The following C1orf50 variants were observed in gnomAD, a reference collection of about 807,000 sequenced individuals.
C1orf50 encodes uncharacterized protein C1orf50.
In C1orf50, 22 loss-of-function variants were observed where a neutral mutation model predicts 23.3. The observed-to-expected ratio is 0.94, with a 90% CI of 0.67 to 1.35. The LOEUF is 1.35. Among genes scored for constraint, C1orf50 ranks in the 40% most tolerant of loss-of-function variants. The pLI is 0.00. For missense variants in C1orf50, 271 were observed against 249.4 expected, an observed-to-expected ratio of 1.09 and a Z score of -0.58; for synonymous variants, 96 against 102.4, an observed-to-expected ratio of 0.94 and a Z score of 0.38.
chr1:42,768,561 C>CTT (rs34887733), intron 2 of C1orf50, among the ~76,000 whole-genome samples: 1 of 150,716 alleles, frequency 6.6e-6, no homozygotes, highest in African/African-American at 2.4e-5. Flanking sequence ...CCTTCGAATC[C>CTT]TTTTTTTTTT....
intron 2 of C1orf50, among the ~76,000 whole-genome samples, chr1:42,769,316 C>A (rs180968874): frequency 7.2e-5 from 11 of 151,750 alleles, no homozygotes; most frequent in Admixed American, 1.3e-4. Flanking sequence ...GAGGCTAAGG[C>A]GGGAGGATTG....
At chr1:42,770,826 T>G (rs1653201514) in intron 2 of C1orf50, among the ~76,000 whole-genome samples, 1 of 152,216 alleles carries the variant, frequency 6.6e-6, no homozygotes, top group Non-Finnish European at 1.5e-5. Context: ...GTTCTACACA[T>G]TGCCCATCAC....
rs1014151143 is a variant in C1orf50, at chr1:42,767,724, A to G, written c.195+100A>G. ...CACTACCACCTATGGTGGGGGTGGCATTTGCTCTTGTCTCCATTTTACAGA... is the reference window on the plus strand; with the variant it reads ...CACTACCACCTATGGTGGGGGTGGCGTTTGCTCTTGTCTCCATTTTACAGA... On this transcript the variant is annotated intron_variant, in intron 2 of 4. Transcript: ENST00000372525. The G allele has an allele frequency of 3.7e-6, 4 of 1,083,716 alleles. No individual in the cohort carries two copies. The African/African-American group carries it at 6.4e-5, about 17-fold the overall frequency. 67.1% of individuals were successfully genotyped at this position (1,083,716 alleles called of 1,614,324 possible).
intron 4 of C1orf50, 120 bp from the exon 5 acceptor site, chr1:42,775,089 A>G: frequency 9.7e-7 from 1 of 1,028,108 alleles, no homozygotes; most frequent in Non-Finnish European, 1.4e-6. Context: ...CTGCGTTCCA[A>G]AGGTTGTTCT....
chr1:42,776,704 T>G lies in C1orf50; in HGVS notation c.*1310T>G, dbSNP rs1653347234. 1 of 152,276 alleles carries G rather than the reference T, an allele frequency of 6.6e-6. No individual in the cohort carries two copies. The highest frequency in any genetic ancestry group is 1.5e-5 in the Non-Finnish European group (1 of 68,086). 9.4% of individuals were successfully genotyped at this position (152,276 alleles called of 1,614,324 possible). On this transcript the variant is annotated 3_prime_UTR_variant, in exon 5 of 5. Coordinates refer to ENST00000372525, the MANE Select transcript of C1orf50 (RefSeq NM_024097.4). ...TTGCTCGGTTCACATGGGAATGCTCTTTGGACTCAGCTGCAGAGGTCTTTT... is the reference window on the plus strand; with the variant it reads ...TTGCTCGGTTCACATGGGAATGCTCGTTGGACTCAGCTGCAGAGGTCTTTT...
In C1orf50 at chr1:42,778,651, A is replaced by G. The variant is rs1653385144; in HGVS notation, c.*3257A>G. 1 of 152,142 alleles carries G rather than the reference A, an allele frequency of 6.6e-6. No individual in the cohort carries two copies. The highest frequency in any genetic ancestry group is 2.1e-4 in the South Asian group (1 of 4,828). The allele number at this position is 152,142 out of a possible 1,614,324, so 9.4% of individuals were successfully genotyped here. ...TGGAGTGAGATATGTCCTGGCTAGAAAATCCTTGTGTTTAAAAGCTAGGAG... is the reference window on the plus strand; with the variant it reads ...TGGAGTGAGATATGTCCTGGCTAGAGAATCCTTGTGTTTAAAAGCTAGGAG... On this transcript the variant is annotated 3_prime_UTR_variant, in exon 5 of 5. Transcript: ENST00000372525.
rs769176771 is a variant in C1orf50 at position 42,775,315 on chromosome 1, G to A, written c.521G>A (p.Ser174Asn). 6 of 1,613,192 alleles carry A rather than the reference G, an allele frequency of 3.7e-6. No homozygotes were observed. The highest frequency in any genetic ancestry group is 3.3e-5 in the Admixed American group (2 of 59,996). Residue 174 changes from serine to asparagine, a missense_variant, in exon 5 of 5, where the codon AGC becomes AAC. Physicochemically the swap from Ser to Asn is conservative, Grantham distance 46 (BLOSUM62 1). Transcript: ENST00000372525. ...EDIEKQDAKI[S>N]MMDTLLSQSV... ...ATTGAGAAGCAAGATGCTAAAATCA[G>A]CATGATGGACACGTTGCTAAGCCAG...
intron 2 of C1orf50, among the ~76,000 whole-genome samples, chr1:42,772,579 G>A (rs1477138636): frequency 1.3e-5 from 2 of 152,180 alleles, no homozygotes; most frequent in South Asian, 2.1e-4. Context: ...TCAGAAGTTC[G>A]AGACCAGCCT....
Position 42,778,417 on chromosome 1 carries a change from G to A in C1orf50, c.*3023G>A, listed in dbSNP as rs1164872517. Reference sequence around the variant, plus strand: ...GTTCCTTACTGAGCTTGGAGAATTTGGGAAGACACTTGGAGGAGCTGATGC... The same window carrying A: ...GTTCCTTACTGAGCTTGGAGAATTTAGGAAGACACTTGGAGGAGCTGATGC... On this transcript the variant is annotated 3_prime_UTR_variant, in exon 5 of 5. Transcript: ENST00000372525. The A allele has an allele frequency of 6.6e-6, 1 of 152,186 alleles. No homozygotes were observed. Among genetic ancestry groups the A allele is most frequent in the Non-Finnish European group, 1.5e-5 (1 of 68,038 alleles). The allele number at this position is 152,186 out of a possible 1,614,324, so 9.4% of individuals were successfully genotyped here.
At chr1:42,770,681 T>TA (rs1653197387) in intron 2 of C1orf50, among the ~76,000 whole-genome samples, 1 of 152,178 alleles carries the variant, frequency 6.6e-6, no homozygotes, top group African/African-American at 2.4e-5. Flanking sequence ...ATCCATCCGC[T>TA]ACGGCCTCCC....
intron 2 of C1orf50, chr1:42,773,316 T>A: frequency 6.5e-6 from 2 of 306,426 alleles, no homozygotes; most frequent in Non-Finnish European, 1.2e-5. Context: ...AGCGAAGGGG[T>A]GGAAAGCTAT....
At position 42,778,151 on chromosome 1, in the gene C1orf50, C is replaced by T. The variant is rs994845489; in HGVS notation, c.*2757C>T. On this transcript the variant is annotated 3_prime_UTR_variant, in exon 5 of 5. Coordinates refer to ENST00000372525, the MANE Select transcript of C1orf50 (RefSeq NM_024097.4). The stretch of plus-strand genomic sequence containing the variant: ...GCACCTCAGAATGGGAAACTAGGAC[C>T]CAGTGATTATATACAGTAATCACTT... The T allele has an allele frequency of 2.2e-4, 33 of 151,996 alleles. No individual in the cohort carries two copies. Among genetic ancestry groups the T allele is most frequent in the African/African-American group, 7.3e-4 (30 of 41,374 alleles). The allele number at this position is 151,996 out of a possible 1,614,324, so 9.4% of individuals were successfully genotyped here.
chr1:42,770,254 C>CA (rs1393139461), intron 2 of C1orf50, among the ~76,000 whole-genome samples: 1 of 151,716 alleles, frequency 6.6e-6, no homozygotes, highest in Non-Finnish European at 1.5e-5. Context: ...CAGACTAATC[C>CA]ATATTTTGCA....
Position 42,776,673 on chromosome 1 carries a change from A to AC in C1orf50, c.*1280dup, listed in dbSNP as rs1653346803. ...AATCTAACAAACTCACTCCGATGAT[A>AC]CTTGGTTGCTCGGTTCACATGGGAA... On this transcript the variant is annotated 3_prime_UTR_variant, in exon 5 of 5. Transcript: ENST00000372525. The AC allele has an allele frequency of 6.6e-6, 1 of 152,216 alleles. No homozygotes were observed. The highest frequency in any genetic ancestry group is 2.1e-4 in the South Asian group (1 of 4,834). 9.4% of individuals were successfully genotyped at this position (152,216 alleles called of 1,614,324 possible).
intron 2 of C1orf50, among the ~76,000 whole-genome samples, chr1:42,769,236 A>C (rs1653164414): frequency 6.6e-6 from 1 of 151,626 alleles, no homozygotes; most frequent in Non-Finnish European, 1.5e-5. Context: ...TGACAGAGTG[A>C]GACTCTTAAA....
chr1:42,767,532 A>G lies in C1orf50; in HGVS notation c.103A>G (p.Thr35Ala). ...QGGALVELTP[T>A]PGGLALVSPY... ...AGGAGCCCTGGTGGAGCTCACCCCG[A>G]CCCCCGGCGGCCTGGCCCTGGTGAG... Residue 35 changes from threonine to alanine, a missense_variant, in exon 2 of 5, where the codon ACC (threonine) becomes GCC (alanine). Thr to Ala is a moderately conservative substitution (Grantham distance 58). Transcript: ENST00000372525. 6.3e-7 allele frequency: 1 copy of G among 1,590,932 alleles called. No individual in the cohort carries two copies. Among genetic ancestry groups the G allele is most frequent in the Non-Finnish European group, 8.5e-7 (1 of 1,169,678 alleles).
At chr1:42,772,664 C>G (rs973928775) in intron 2 of C1orf50, among the ~76,000 whole-genome samples, 5 of 152,010 alleles carry the variant, frequency 3.3e-5, no homozygotes, top group African/African-American at 1.2e-4. Flanking sequence ...ACCTGTAATC[C>G]CAGCTACTCA....
chr1:42,773,708 G>A (rs1438614374), intron 3 of C1orf50, 59 bp downstream of exon 3: 3 of 1,181,412 alleles, frequency 2.5e-6, no homozygotes, highest in Non-Finnish European at 3.7e-6. Context: ...AGGATTGGCT[G>A]AACTTGTTTA....
At chr1:42,767,444 C>G in intron 1 of C1orf50, 54 bp downstream of exon 1, 1 of 1,553,572 alleles carries the variant, frequency 6.4e-7, no homozygotes, top group Non-Finnish European at 8.7e-7. Flanking sequence ...GGCAGCCGGT[C>G]TCGGGGCTCC....
Sources: allele counts gnomAD v4.1 joint callset (sites outside exome capture counted in the v4.1 genomes callset), GRCh38; gene constraint gnomAD v4.1.1; transcripts MANE v1.5; gene names NCBI Gene and HGNC (gene_info 2026-07-23, HGNC 2026-07-21).